Variants in KAT7 observed in about 807,000 individuals in gnomAD.
The protein encoded by KAT7 is lysine acetyltransferase 7.
KAT7 carries 10 observed loss-of-function variants against 82.1 expected under a neutral mutation model. The ratio of observed to expected loss-of-function variants is 0.12; its 90% confidence interval spans 0.08 to 0.21. The LOEUF (loss-of-function observed/expected upper bound fraction) is 0.21. Ranked by LOEUF, KAT7 falls within the 10% of genes least tolerant of loss-of-function variation. The probability of loss-of-function intolerance (pLI) is 1.00; values close to 1 mark genes in which losing one functional copy is unlikely to be tolerated. For missense variants in KAT7, 378 were observed against 760.9 expected, an observed-to-expected ratio of 0.50 and a Z score of 5.92; for synonymous variants, 250 against 262.5, an observed-to-expected ratio of 0.95 and a Z score of 0.46.
At chr17:49,815,608 C>T in intron 7 of KAT7, 195 bp from the exon 8 acceptor site, 1 of 437,022 alleles carries the variant, frequency 2.3e-6, no homozygotes, top group East Asian at 3.4e-5. Flanking sequence ...TCCAGAATCA[C>T]TGGGGTGGGT....
chr17:49,797,465 TG>T (rs1465133036), intron 3 of KAT7, among the ~76,000 whole-genome samples: 1 of 152,194 alleles, frequency 6.6e-6, no homozygotes, highest in African/African-American at 2.4e-5. Flanking sequence ...AAAAAGAGAC[TG>T]GGCCCTTCTT....
chr17:49,818,867 T>C (rs1248621728), intron 9 of KAT7, among the ~76,000 whole-genome samples: 1 of 151,992 alleles, frequency 6.6e-6, no homozygotes. Flanking sequence ...GCCTCCTGAG[T>C]ACCTGGGACT....
chr17:49,800,259 C>G (rs1167096814), intron 4 of KAT7, among the ~76,000 whole-genome samples: 1 of 152,110 alleles, frequency 6.6e-6, no homozygotes, highest in African/African-American at 2.4e-5. Flanking sequence ...GATCCGCCCG[C>G]CTTGGCCTCC....
In KAT7 at chr17:49,788,751, G is replaced by A; in HGVS notation, c.-84G>A. 6 of 1,460,998 alleles carry A rather than the reference G, an allele frequency of 4.1e-6. No homozygotes were observed. The highest frequency in any genetic ancestry group is 5.6e-6 in the Non-Finnish European group (6 of 1,075,424). The allele number at this position is 1,460,998 out of a possible 1,614,324, so 90.5% of individuals were successfully genotyped here. Reference sequence around the variant, plus strand: ...CCGCAGGATTGGGACTGATACAGAGGCCGCCACGGAGCCCGCCGGAGCCAC... The same window carrying A: ...CCGCAGGATTGGGACTGATACAGAGACCGCCACGGAGCCCGCCGGAGCCAC... On this transcript the variant is annotated 5_prime_UTR_variant, in exon 1 of 15. Coordinates refer to ENST00000259021, the MANE Select transcript of KAT7 (RefSeq NM_007067.5).
At chr17:49,818,115 G>A in intron 9 of KAT7, 104 bp downstream of exon 9, 1 of 816,488 alleles carries the variant, frequency 1.2e-6, no homozygotes, top group East Asian at 2.6e-5. Flanking sequence ...CTTCTCAGTG[G>A]TCCTCAGCAG....
intron 1 of KAT7, chr17:49,789,753 A>C (rs894426518): frequency 6.6e-6 from 1 of 152,224 alleles, no homozygotes; most frequent in South Asian, 2.1e-4. Context: ...TCACAGCCCG[A>C]TAGGAGAAAA....
rs530315560 is a variant in KAT7, at chr17:49,811,655, T to G, written c.852+81T>G. 79 of 659,540 alleles carry G rather than the reference T, an allele frequency of 1.2e-4. 1 individual carries two copies. In the South Asian group the frequency reaches 2.8e-3, roughly 23 times the overall value. 40.9% of individuals were successfully genotyped at this position (659,540 alleles called of 1,614,324 possible). ...CTTTTGCTTTCTGAGCTTCTGCCTT[T>G]CAGATTTGCCATTTAGTATTCTCCA... is the stretch of plus-strand genomic sequence containing the variant. On this transcript the variant is annotated intron_variant, in intron 7 of 14. Coordinates refer to ENST00000259021, the MANE Select transcript of KAT7 (RefSeq NM_007067.5).
chr17:49,793,966 C>A (rs1185272565), intron 2 of KAT7, among the ~76,000 whole-genome samples: 3 of 152,088 alleles, frequency 2.0e-5, no homozygotes, highest in African/African-American at 7.2e-5. Flanking sequence ...AACAACTGTT[C>A]CTAACTTTAT....
chr17:49,835,026 A>G lies in KAT7; in HGVS notation c.*7524A>G, dbSNP rs1484392932. On this transcript the variant is annotated 3_prime_UTR_variant, in exon 15 of 15. Coordinates refer to ENST00000259021, the MANE Select transcript of KAT7 (RefSeq NM_007067.5). ...CTCAAAAAATAAAAAAATAAAGATA[A>G]TACCAGTATGTTTCTTGACTTGAAG... The G allele has an allele frequency of 6.6e-6, 1 of 152,214 alleles. No individual in the cohort carries two copies. Among genetic ancestry groups the G allele is most frequent in the African/African-American group, 2.4e-5 (1 of 41,458 alleles). The allele number at this position is 152,214 out of a possible 1,614,324, so 9.4% of individuals were successfully genotyped here.
chr17:49,805,264 T>C (rs2074077080), intron 4 of KAT7, 99 bp from the exon 5 acceptor site: 3 of 772,372 alleles, frequency 3.9e-6, no homozygotes, highest in African/African-American at 1.7e-5. Context: ...ATATATTTGA[T>C]AAAAATGATG....
chr17:49,798,027 T>TA (rs755129816), intron 3 of KAT7, among the ~76,000 whole-genome samples: 11 of 152,236 alleles, frequency 7.2e-5, no homozygotes, highest in Non-Finnish European at 1.5e-4. Flanking sequence ...AGTAATGTTT[T>TA]AAAAACGTAT....
chr17:49,820,829 A>C (rs1022008032), intron 9 of KAT7, among the ~76,000 whole-genome samples: 8 of 146,866 alleles, frequency 5.4e-5, no homozygotes, highest in African/African-American at 2.0e-4. Context: ...ATGCACTTGC[A>C]GGGGAGAAGG....
At chr17:49,791,844 C>T (rs767028403) in intron 1 of KAT7, 42 bp from the exon 2 acceptor site, 27 of 1,593,706 alleles carry the variant, frequency 1.7e-5, no homozygotes, top group Non-Finnish European at 2.3e-5. Context: ...AACTCTCAGA[C>T]CAAATGCTTC....
chr17:49,799,128 C>T (rs1413543420), intron 4 of KAT7, among the ~76,000 whole-genome samples: 4 of 151,978 alleles, frequency 2.6e-5, no homozygotes, highest in African/African-American at 9.7e-5. Context: ...TGAGTTTTAC[C>T]CCTTAGTGAA....
intron 5 of KAT7, among the ~76,000 whole-genome samples, chr17:49,807,182 T>A (rs995823801): frequency 1.3e-5 from 2 of 152,180 alleles, no homozygotes; most frequent in African/African-American, 4.8e-5. Flanking sequence ...GGAGGCAACA[T>A]AAACCTTCAA....
At chr17:49,794,552 C>T (rs1420646878) in intron 2 of KAT7, among the ~76,000 whole-genome samples, 1 of 152,236 alleles carries the variant, frequency 6.6e-6, no homozygotes, top group Admixed American at 6.5e-5. Flanking sequence ...TCCCAAAGTG[C>T]TGGGATTACA....
chr17:49,793,065 G>C (rs544691074), intron 2 of KAT7, among the ~76,000 whole-genome samples: 5 of 152,216 alleles, frequency 3.3e-5, no homozygotes, highest in African/African-American at 1.2e-4. Context: ...CTTCCACCTT[G>C]GCCTCCCAAA....
At chr17:49,790,716 A>G (rs1214872222) in intron 1 of KAT7, among the ~76,000 whole-genome samples, 2 of 152,274 alleles carry the variant, frequency 1.3e-5, no homozygotes, top group East Asian at 3.9e-4. Flanking sequence ...TTTTTGCTGC[A>G]GAAATACTAT....
chr17:49,821,289 C>A, intron 9 of KAT7, 48 bp from the exon 10 acceptor site: 1 of 1,415,060 alleles, frequency 7.1e-7, no homozygotes, highest in Non-Finnish European at 1.0e-6. Flanking sequence ...GAGGAGCAGT[C>A]TTGTTGGGAG....
Sources: allele counts gnomAD v4.1 joint callset (sites outside exome capture counted in the v4.1 genomes callset), GRCh38; gene constraint gnomAD v4.1.1; transcripts MANE v1.5; gene names NCBI Gene and HGNC (gene_info 2026-07-23, HGNC 2026-07-21).